Variants in CCDC6 observed in about 807,000 individuals in gnomAD.
CCDC6 encodes coiled-coil domain-containing protein 6.
Under a neutral mutation model 56.6 loss-of-function variants are expected in CCDC6, and 20 were observed. The ratio of observed to expected loss-of-function variants is 0.35; its 90% CI spans 0.25 to 0.51. The LOEUF (loss-of-function observed/expected upper bound fraction) is 0.51. Among genes scored for constraint, CCDC6 ranks in the 20% least tolerant of loss-of-function variants. CCDC6 has a pLI of 0.95. For synonymous variants in CCDC6, 241 were observed against 234.4 expected (o/e 1.03, Z -0.26); for missense variants, 367 against 601.1 (o/e 0.61, Z 4.07).
At chr10:59,887,482 A>T (rs776990883) in intron 1 of CCDC6, among the ~76,000 whole-genome samples, 12 of 58,648 alleles carry the variant, frequency 2.0e-4, no homozygotes, top group African/African-American at 3.2e-4. Flanking sequence ...TGCAACTGTT[A>T]AAAAAAAAAA....
intron 1 of CCDC6, among the ~76,000 whole-genome samples, chr10:59,872,663 T>A (rs1485749359): frequency 1.3e-5 from 2 of 151,942 alleles, no homozygotes; most frequent in African/African-American, 2.4e-5. Context: ...TAGCAAGGGG[T>A]TAACTTTCAG....
At chr10:59,875,935 GACTAT>G (rs2071274755) in intron 1 of CCDC6, among the ~76,000 whole-genome samples, 1 of 151,956 alleles carries the variant, frequency 6.6e-6, no homozygotes, top group South Asian at 2.1e-4. Context: ...ATTAACCTGA[GACTAT>G]ATACTCCTAT....
intron 1 of CCDC6, among the ~76,000 whole-genome samples, chr10:59,873,116 CAGTATACGTGGT>C (rs2071245914): frequency 6.6e-6 from 1 of 152,158 alleles, no homozygotes; most frequent in African/African-American, 2.4e-5. Flanking sequence ...GGCGGTGCTA[CAGTATACGTGGT>C]AGGTGCTCAG....
chr10:59,877,690 G>A lies in CCDC6; in HGVS notation c.304-24988C>T, dbSNP rs557468244. 6.6e-5 allele frequency among the ~76,000 whole-genome samples: 10 copies of A among 152,250 alleles called. No individual in the cohort carries two copies. In the South Asian group the frequency reaches 1.9e-3, roughly 28 times the overall value. ...AGGCATACACAACAGAATATGTTAAGTTAAATGTGAGTATGACCCCATTCT... is the reference window on the plus strand; with the variant it reads ...AGGCATACACAACAGAATATGTTAAATTAAATGTGAGTATGACCCCATTCT... On this transcript the variant is annotated intron_variant, in intron 1 of 8. Coordinates refer to ENST00000263102, the MANE Select transcript of CCDC6 (RefSeq NM_005436.5).
intron 2 of CCDC6, among the ~76,000 whole-genome samples, chr10:59,835,421 A>G (rs1288493573): frequency 6.6e-6 from 1 of 152,226 alleles, no homozygotes; most frequent in Non-Finnish European, 1.5e-5. Context: ...TGAACTAGTA[A>G]CAAAGCCTAA....
At chr10:59,828,274 A>T (rs1291816176) in intron 3 of CCDC6, among the ~76,000 whole-genome samples, 1 of 152,228 alleles carries the variant, frequency 6.6e-6, no homozygotes, top group Non-Finnish European at 1.5e-5. Context: ...TTGTTTAGAA[A>T]GCCCCAATAT....
At chr10:59,866,795 C>T (rs983906098) in intron 1 of CCDC6, among the ~76,000 whole-genome samples, 9 of 152,202 alleles carry the variant, frequency 5.9e-5, no homozygotes, top group East Asian at 1.9e-4. Context: ...GATCCAAAGG[C>T]TGCAGCATCA....
intron 2 of CCDC6, among the ~76,000 whole-genome samples, chr10:59,838,584 A>C (rs773269434): frequency 2.9e-4 from 44 of 152,346 alleles, no homozygotes; most frequent in Non-Finnish European, 1.8e-4. Context: ...TCATGCATGC[A>C]GCAAACAAAG....
chr10:59,808,148 G>C (rs1284463224), intron 5 of CCDC6, among the ~76,000 whole-genome samples: 2 of 152,046 alleles, frequency 1.3e-5, no homozygotes, highest in African/African-American at 2.4e-5. Context: ...CACAAATCCA[G>C]GTCTCTGCTA....
chr10:59,846,821 C>A (rs532091316), intron 2 of CCDC6, among the ~76,000 whole-genome samples: 59 of 152,278 alleles, frequency 3.9e-4, no homozygotes, highest in Non-Finnish European at 6.5e-4. Flanking sequence ...GTTAAAAAAA[C>A]AGTTTATTAA....
chr10:59,842,010 A>G (rs370874752), intron 2 of CCDC6, among the ~76,000 whole-genome samples: 2 of 151,704 alleles, frequency 1.3e-5, no homozygotes, highest in African/African-American at 4.8e-5. Flanking sequence ...ACTTTTCACA[A>G]TCAAACACAA....
At chr10:59,844,835 C>G (rs929270370) in intron 2 of CCDC6, among the ~76,000 whole-genome samples, 1 of 151,368 alleles carries the variant, frequency 6.6e-6, no homozygotes, top group Non-Finnish European at 1.5e-5. Flanking sequence ...CTGGCATTTT[C>G]TCCTGAGGAA....
intron 1 of CCDC6, among the ~76,000 whole-genome samples, chr10:59,890,989 T>C (rs181947757): frequency 6.6e-6 from 1 of 152,250 alleles, no homozygotes; most frequent in Admixed American, 6.5e-5. Context: ...TGGTGTTTGG[T>C]TTTCTGTCCT....
At chr10:59,862,341 A>G (rs2071136524) in intron 1 of CCDC6, among the ~76,000 whole-genome samples, 1 of 151,540 alleles carries the variant, frequency 6.6e-6, no homozygotes, top group Admixed American at 6.6e-5. Context: ...ACAAAAAATT[A>G]ACCAGGCACG....
chr10:59,827,666 T>G (rs1423608413), intron 3 of CCDC6, among the ~76,000 whole-genome samples: 2 of 152,064 alleles, frequency 1.3e-5, no homozygotes, highest in Non-Finnish European at 2.9e-5. Context: ...AAAATTAATA[T>G]ACCAATCCTA....
chr10:59,906,400 C>A lies in CCDC6; in HGVS notation c.25G>T (p.Asp9Tyr). MADSASES[D>Y]TDGAGGNSSS... is the part of the protein sequence containing the mutation. Reference sequence around the variant, plus strand: ...CTGTTGCCCCCCGCCCCGTCCGTGTCGCTCTCGCTGGCGCTGTCCGCCATG... The same window carrying A: ...CTGTTGCCCCCCGCCCCGTCCGTGTAGCTCTCGCTGGCGCTGTCCGCCATG... The change falls in exon 1 of 9, where the codon GAC becomes TAC. Residue 9 changes from aspartate to tyrosine, a missense_variant. By Grantham distance (160) the Asp-to-Tyr change is radical (BLOSUM62 -3). Coordinates refer to ENST00000263102, the MANE Select transcript of CCDC6 (RefSeq NM_005436.5). 1 of 1,577,656 alleles carries A rather than the reference C, an allele frequency of 6.3e-7. No homozygotes were observed. Among genetic ancestry groups the A allele is most frequent in the East Asian group, 2.3e-5 (1 of 43,590 alleles).
Position 59,792,920 on chromosome 10 carries a change from AG to A in CCDC6, c.1421del (p.Pro474LeufsTer4), listed in dbSNP as rs765089137. ...SQHSAHPSSQ[P>X] is the part of the protein sequence containing the mutation. ...AAATTCAGACTAAGCTCATGCATTA[AG>A]GCTGGGAGGAGGGGTGCGCCGAATG... On this transcript the variant is annotated frameshift_variant, in exon 9 of 9. Coordinates refer to ENST00000263102, the MANE Select transcript of CCDC6 (RefSeq NM_005436.5). LOFTEE classifies it high-confidence loss of function. The A allele has an allele frequency of 6.2e-7, 1 of 1,610,216 alleles. No homozygotes were observed.
chr10:59,834,884 C>T (rs890815167), intron 2 of CCDC6, among the ~76,000 whole-genome samples: 1 of 152,182 alleles, frequency 6.6e-6, no homozygotes, highest in Non-Finnish European at 1.5e-5. Flanking sequence ...ACAAGCATCG[C>T]TTAGGAGGAA....
At chr10:59,835,067 T>TGA (rs1471750922) in intron 2 of CCDC6, among the ~76,000 whole-genome samples, 2 of 152,254 alleles carry the variant, frequency 1.3e-5, no homozygotes, top group Admixed American at 1.3e-4. Context: ...TACTAGTTAT[T>TGA]GAGAGATGAT....
Sources: allele counts gnomAD v4.1 joint callset (sites outside exome capture counted in the v4.1 genomes callset), GRCh38; gene constraint gnomAD v4.1.1; transcripts MANE v1.5; gene names NCBI Gene and HGNC (gene_info 2026-07-23, HGNC 2026-07-21).